PREX1: variants seen among roughly 807,000 people sequenced by gnomAD.
The protein encoded by PREX1 is phosphatidylinositol 3,4,5-trisphosphate-dependent Rac exchanger 1 protein.
PREX1 carries 41 observed loss-of-function variants against 198.3 expected under a neutral mutation model. The ratio of observed to expected loss-of-function variants is 0.21; its 90% CI spans 0.16 to 0.27. The LOEUF (loss-of-function observed/expected upper bound fraction) is 0.27. PREX1 is among the 10% of genes least tolerant of loss of function. The probability of loss-of-function intolerance (pLI) is 1.00; values close to 1 mark genes in which losing one functional copy is unlikely to be tolerated. For synonymous variants in PREX1, 843 were observed against 887.2 expected, an observed-to-expected ratio of 0.95 and a Z score of 0.89; for missense variants, 1,620 against 2,200.7, an observed-to-expected ratio of 0.74 and a Z score of 5.28.
intron 2 of PREX1, among the ~76,000 whole-genome samples, chr20:48,745,595 G>A (rs1325460232): frequency 6.6e-6 from 1 of 152,246 alleles, no homozygotes; most frequent in Non-Finnish European, 1.5e-5. Context: ...ATATTTCCAT[G>A]CACTCATTAA....
In PREX1 at chr20:48,666,281, A is replaced by G; in HGVS notation, c.1738+2T>C. 1 of 1,561,956 alleles carries G rather than the reference A, an allele frequency of 6.4e-7. No individual in the cohort carries two copies. Among genetic ancestry groups the G allele is most frequent in the East Asian group, 2.4e-5 (1 of 41,526 alleles). On this transcript the variant is annotated splice_donor_variant, in intron 15 of 39. Coordinates refer to ENST00000371941, the MANE Select transcript of PREX1 (RefSeq NM_020820.4). LOFTEE classifies it high-confidence loss of function. This position sits in a 1 kb window ranked among gnomAD's most constrained non-coding sequence, Gnocchi z 4.3. ...GGCTGGGCTGCAGGTGGGGGTGGTT[A>G]CCGTGGTGCATGAAGCCATTGTTGC...
chr20:48,879,966 C>T, the PREX1 span, among the ~76,000 whole-genome samples: 1 of 152,168 alleles, frequency 6.6e-6, no homozygotes, highest in Non-Finnish European at 1.5e-5. Flanking sequence ...CATTTTTGTT[C>T]AGCTTTTCAA....
At chr20:48,797,796 C>T (rs898575246) in intron 1 of PREX1, among the ~76,000 whole-genome samples, 1 of 152,212 alleles carries the variant, frequency 6.6e-6, no homozygotes, top group African/African-American at 2.4e-5. Flanking sequence ...CCACTTTGCA[C>T]CCCGCTGTAA....
the PREX1 span, among the ~76,000 whole-genome samples, chr20:48,833,882 G>A: frequency 6.6e-6 from 1 of 152,176 alleles, no homozygotes; most frequent in Non-Finnish European, 1.5e-5. Flanking sequence ...AGGAAATTGA[G>A]ACCATCCTGG....
intron 1 of PREX1, among the ~76,000 whole-genome samples, chr20:48,787,168 G>A (rs962628920): frequency 2.6e-5 from 4 of 152,166 alleles, no homozygotes; most frequent in Non-Finnish European, 5.9e-5. Context: ...AGTGCCCACC[G>A]CCCCTCAACC....
intron 24 of PREX1, 107 bp from the exon 25 acceptor site, chr20:48,649,683 A>G: frequency 2.3e-6 from 3 of 1,291,454 alleles, no homozygotes; most frequent in Non-Finnish European, 3.2e-6. Flanking sequence ...GAAGGAGAAA[A>G]ATGTCCCTTC....
At chr20:48,840,281 C>T in the PREX1 span, among the ~76,000 whole-genome samples, 1 of 150,004 alleles carries the variant, frequency 6.7e-6, no homozygotes, top group South Asian at 2.1e-4. Context: ...TCCCAAAGTG[C>T]TAGGGTTACA....
chr20:48,794,708 C>A (rs1211127565), intron 1 of PREX1, among the ~76,000 whole-genome samples: 3 of 152,192 alleles, frequency 2.0e-5, no homozygotes, highest in Non-Finnish European at 4.4e-5. Flanking sequence ...GAGGAGAGGC[C>A]CAGGGACAGG....
chr20:48,877,718 T>C, the PREX1 span, among the ~76,000 whole-genome samples: 3 of 152,212 alleles, frequency 2.0e-5, no homozygotes, highest in Non-Finnish European at 4.4e-5. Flanking sequence ...ATAGAGCAAC[T>C]AGAGTGATCC....
chr20:48,636,051 C>G (rs1184776545), intron 32 of PREX1, among the ~76,000 whole-genome samples: 1 of 152,206 alleles, frequency 6.6e-6, no homozygotes, highest in Non-Finnish European at 1.5e-5. Context: ...TGGTGACTCT[C>G]AGGTCCTGGC....
Position 48,634,897 on chromosome 20 carries a change from C to T in PREX1, c.4168-122G>A, listed in dbSNP as rs1369252104. The T allele has an allele frequency of 1.1e-5, 8 of 754,020 alleles. No individual in the cohort carries two copies. The Middle Eastern group carries it at 6.9e-4, about 65-fold the overall frequency. The allele number at this position is 754,020 out of a possible 1,614,324, so 46.7% of individuals were successfully genotyped here. ...ACTGTGGGCCCCCTGGGTGCCAGGTCCTGAGCGTGACTCTCCAGAGTGGAT... is the reference window on the plus strand; with the variant it reads ...ACTGTGGGCCCCCTGGGTGCCAGGTTCTGAGCGTGACTCTCCAGAGTGGAT... On this transcript the variant is annotated intron_variant, in intron 32 of 39. Coordinates refer to ENST00000371941, the MANE Select transcript of PREX1 (RefSeq NM_020820.4).
At chr20:48,805,958 G>A (rs944086487) in intron 1 of PREX1, among the ~76,000 whole-genome samples, 1 of 152,212 alleles carries the variant, frequency 6.6e-6, no homozygotes, top group Non-Finnish European at 1.5e-5. Flanking sequence ...GAGCTCTCAG[G>A]ATGTGCCAGA....
intron 11 of PREX1, 73 bp from the exon 12 acceptor site, chr20:48,679,827 G>C (rs3817991): frequency 0.077 from 91,426 of 1,193,696 alleles, 4,036 homozygotes; most frequent in East Asian, 0.15. Flanking sequence ...CCCAGCATTG[G>C]CCTTCACTGC....
chr20:48,737,332 T>C (rs4809721), intron 3 of PREX1, among the ~76,000 whole-genome samples: 11,423 of 151,362 alleles, frequency 0.075, 501 homozygotes, highest in Middle Eastern at 0.14. Context: ...TTGGGAATTA[T>C]GATGGTCCCT....
intron 3 of PREX1, among the ~76,000 whole-genome samples, chr20:48,741,428 C>T (rs183276993): frequency 6.0e-4 from 92 of 152,168 alleles, no homozygotes; most frequent in Admixed American, 1.6e-3. Context: ...GGCATGATCT[C>T]AACTCACTGC....
At position 48,700,764 on chromosome 20, in the gene PREX1, C is replaced by T. The variant is rs751501711; in HGVS notation, c.906G>A (p.Lys302=). 7 of 1,613,148 alleles carry T rather than the reference C, an allele frequency of 4.3e-6. 1 individual carries two copies. The Middle Eastern group carries it at 5.6e-4, about 130-fold the overall frequency. The change falls in exon 7 of 40, where the codon AAG becomes AAA. Residue 302 remains lysine, a synonymous_variant. Coordinates refer to ENST00000371941, the MANE Select transcript of PREX1 (RefSeq NM_020820.4). ...FLFDNLLVYC[K]RKSRVTGSKK... is the part of the protein sequence containing the mutation. ...TCCTGGCCACTCACCTGGATTTCCG[C>T]TTGCAGTAGACGAGAAGGTTGTCGA...
Position 48,632,571 on chromosome 20 carries a change from A to G in PREX1, c.4336T>C (p.Tyr1446His). 6.2e-7 allele frequency: 1 copy of G among 1,613,922 alleles called. No individual in the cohort carries two copies. Among genetic ancestry groups the G allele is most frequent in the Non-Finnish European group, 8.5e-7 (1 of 1,179,898 alleles). The change falls in exon 34 of 40, where the codon TAC becomes CAC. Residue 1446 changes from tyrosine (Y) to histidine (H), a missense_variant. By Grantham distance (83) the Tyr-to-His change is moderately conservative. Coordinates refer to ENST00000371941, the MANE Select transcript of PREX1 (RefSeq NM_020820.4). ...CGGGAGGGCAGCTTGGAGAAGTGGTAGCTGTCGAGGTAGAAGATGACCTTC... is the reference window on the plus strand; with the variant it reads ...CGGGAGGGCAGCTTGGAGAAGTGGTGGCTGTCGAGGTAGAAGATGACCTTC... ...ALKVIFYLDS[Y>H]HFSKLPSRLE...
chr20:48,733,310 T>C (rs1444714549), intron 4 of PREX1, among the ~76,000 whole-genome samples: 1 of 152,216 alleles, frequency 6.6e-6, no homozygotes, highest in Non-Finnish European at 1.5e-5. Context: ...CCTTAGGCTC[T>C]ATTGTATGGG....
intron 1 of PREX1, among the ~76,000 whole-genome samples, chr20:48,826,539 T>C (rs1412982540): frequency 6.6e-6 from 1 of 152,198 alleles, no homozygotes; most frequent in Non-Finnish European, 1.5e-5. Flanking sequence ...CCGGCCCCTC[T>C]GGAGCTAAAC....
Sources: gnomAD v4.1 joint callset for allele counts (sites outside exome capture counted in the v4.1 genomes callset) on GRCh38, gnomAD v4.1.1 for gene constraint, Gnocchi (gnomAD v3.1) non-coding constraint, MANE v1.5 for transcripts, NCBI Gene and HGNC (gene_info 2026-07-23, HGNC 2026-07-21) for gene names.